PRKCH: variants seen among roughly 807,000 people sequenced by gnomAD.
PRKCH encodes the protein protein kinase C eta.
In PRKCH, 28 loss-of-function variants were observed where a neutral mutation model predicts 82.5. The ratio of observed to expected loss-of-function variants is 0.34; its 90% CI spans 0.25 to 0.47. The LOEUF (loss-of-function observed/expected upper bound fraction) is 0.47. Among genes scored for constraint, PRKCH ranks in the 20% least tolerant of loss-of-function variants. PRKCH has a pLI of 1.00. For missense variants in PRKCH, 705 were observed against 881.8 expected (o/e 0.80, Z 2.54); for synonymous variants, 322 against 327.4 (o/e 0.98, Z 0.18).
intron 12 of PRKCH, among the ~76,000 whole-genome samples, chr14:61,530,857 T>C (rs2043036772): frequency 6.6e-6 from 1 of 152,244 alleles, no homozygotes; most frequent in Admixed American, 6.5e-5. Context: ...TAGCAAGTAT[T>C]TCTAGCACTT....
chr14:61,318,805 A>G (rs1246648948), upstream of PRKCH, among the ~76,000 whole-genome samples: 1 of 151,878 alleles, frequency 6.6e-6, no homozygotes, highest in African/African-American at 2.4e-5. Context: ...ATTTTATTTT[A>G]CTAAAAAAAT....
At chr14:61,247,155 A>G (rs1461069436) in intron 1 of PRKCH, among the ~76,000 whole-genome samples, 2 of 152,276 alleles carry the variant, frequency 1.3e-5, no homozygotes, top group Middle Eastern at 3.4e-3. Context: ...ATCCTCCCCA[A>G]TATAGTATAT....
intron 4 of PRKCH, among the ~76,000 whole-genome samples, chr14:61,446,415 T>C (rs1483026237): frequency 1.3e-5 from 2 of 152,232 alleles, no homozygotes; most frequent in Non-Finnish European, 2.9e-5. Flanking sequence ...ATGAGTATCA[T>C]CACATAGTTT....
At chr14:61,538,536 T>C (rs746720848) in intron 12 of PRKCH, among the ~76,000 whole-genome samples, 4 of 152,212 alleles carry the variant, frequency 2.6e-5, no homozygotes, top group Non-Finnish European at 5.9e-5. Context: ...GATAGCAGTG[T>C]AAAGGATTTT....
At chr14:61,254,612 A>G (rs1482811453) in intron 1 of PRKCH, among the ~76,000 whole-genome samples, 1 of 151,884 alleles carries the variant, frequency 6.6e-6, no homozygotes, top group Non-Finnish European at 1.5e-5. Context: ...CTGTTTAAAA[A>G]ACAAAACAAA....
At chr14:61,509,561 A>G (rs1490105200) in intron 10 of PRKCH, among the ~76,000 whole-genome samples, 2 of 152,122 alleles carry the variant, frequency 1.3e-5, no homozygotes, top group African/African-American at 4.8e-5. Flanking sequence ...TGAAATGCAA[A>G]CAGAATACAG....
At chr14:61,444,321 C>T (rs542005098) in intron 3 of PRKCH, among the ~76,000 whole-genome samples, 79 of 152,152 alleles carry the variant, frequency 5.2e-4, no homozygotes, top group Middle Eastern at 3.4e-3. Flanking sequence ...TTCACGTTTC[C>T]TCTTTGCATG....
chr14:61,322,573 T>G, intron 1 of PRKCH, 109 bp downstream of exon 1: 5 of 1,428,850 alleles, frequency 3.5e-6, no homozygotes, highest in Admixed American at 2.4e-5. Flanking sequence ...GCTGAGGGAA[T>G]TCCCTCCAGA....
intron 1 of PRKCH, chr14:61,305,190 C>A (rs1379765887): frequency 6.6e-6 from 1 of 151,832 alleles, no homozygotes; most frequent in East Asian, 1.9e-4. Flanking sequence ...TTATTATTAT[C>A]TTTTACTTTA....
intron 8 of PRKCH, 54 bp downstream of exon 8, chr14:61,457,373 G>T: frequency 1.2e-6 from 2 of 1,603,624 alleles, no homozygotes; most frequent in South Asian, 1.1e-5. Flanking sequence ...TGTGTATGGG[G>T]GGTGTGTGTG....
At chr14:61,455,784 G>A (rs1884739434) in intron 7 of PRKCH, among the ~76,000 whole-genome samples, 1 of 152,182 alleles carries the variant, frequency 6.6e-6, no homozygotes, top group Admixed American at 6.5e-5. Flanking sequence ...TCTAGTGGTA[G>A]CTTATCTTAT....
At chr14:61,290,451 A>G (rs1397679119) in intron 1 of PRKCH, among the ~76,000 whole-genome samples, 1 of 152,148 alleles carries the variant, frequency 6.6e-6, no homozygotes, top group East Asian at 1.9e-4. Flanking sequence ...GTGAGACAGG[A>G]TGGTGCTCGG....
intron 10 of PRKCH, among the ~76,000 whole-genome samples, chr14:61,492,481 G>A (rs1189682827): frequency 2.6e-5 from 4 of 152,264 alleles, no homozygotes; most frequent in East Asian, 1.9e-4. Context: ...TATTCTCTTC[G>A]GATGACTCAT....
intron 1 of PRKCH, among the ~76,000 whole-genome samples, chr14:61,225,273 G>A (rs2044688338): frequency 6.6e-6 from 1 of 152,182 alleles, no homozygotes; most frequent in Non-Finnish European, 1.5e-5. Flanking sequence ...ACTTTCTGTG[G>A]GGAAATAGAA....
At chr14:61,294,116 TTTTTA>T (rs746641148) in intron 1 of PRKCH, among the ~76,000 whole-genome samples, 1 of 149,756 alleles carries the variant, frequency 6.7e-6, no homozygotes, top group Non-Finnish European at 1.5e-5. Context: ...TGAAGTTTTA[TTTTTA>T]TTTTTATTTT....
intron 12 of PRKCH, among the ~76,000 whole-genome samples, chr14:61,532,092 T>C (rs1321484902): frequency 6.6e-6 from 1 of 152,246 alleles, no homozygotes; most frequent in Non-Finnish European, 1.5e-5. Flanking sequence ...TAAAAAAGCA[T>C]GCCAGCCTTC....
chr14:61,533,004 A>G (rs1288275796), intron 12 of PRKCH, among the ~76,000 whole-genome samples: 3 of 152,196 alleles, frequency 2.0e-5, no homozygotes, highest in African/African-American at 7.2e-5. Flanking sequence ...TATCTTCCAC[A>G]TAGGAAGGAG....
intron 1 of PRKCH, among the ~76,000 whole-genome samples, chr14:61,221,219 G>C (rs1223529118): frequency 6.6e-6 from 1 of 152,152 alleles, no homozygotes; most frequent in Non-Finnish European, 1.5e-5. Context: ...AGAATGAGAA[G>C]AACCCAGCTG....
chr14:61,368,037 G>A (rs2046319881), intron 1 of PRKCH, among the ~76,000 whole-genome samples: 2 of 152,000 alleles, frequency 1.3e-5, no homozygotes, highest in African/African-American at 4.8e-5. Context: ...ATCTGTAGGT[G>A]AATCTTAGTA....
Sources: allele counts gnomAD v4.1 joint callset (sites outside exome capture counted in the v4.1 genomes callset), GRCh38; gene constraint gnomAD v4.1.1; transcripts MANE v1.5; gene names NCBI Gene and HGNC (gene_info 2026-07-23, HGNC 2026-07-21).